The following UTP15 variants were observed in gnomAD, a reference collection of about 807,000 sequenced individuals.
UTP15 encodes U3 small nucleolar RNA-associated protein 15 homolog.
UTP15 carries 5 observed loss-of-function variants against 59.1 expected under a neutral mutation model. The observed-to-expected ratio is 0.08, with a 90% CI of 0.04 to 0.18. UTP15 has a LOEUF of 0.18. Ranked by LOEUF, UTP15 falls within the 10% of genes least tolerant of loss-of-function variation. The probability of loss-of-function intolerance (pLI) is 1.00; values close to 1 mark genes in which losing one functional copy is unlikely to be tolerated. For synonymous variants in UTP15, 211 were observed against 212.2 expected, an observed-to-expected ratio of 0.99 and a Z score of 0.05; for missense variants, 494 against 616.7, an observed-to-expected ratio of 0.80 and a Z score of 2.11.
Position 73,570,644 on chromosome 5 carries a change from C to T in UTP15, c.606C>T (p.Ser202=), listed in dbSNP as rs368165894. ...CACGAACGAGTGAGAGTGTTCTCTCCGTTGAGCATGGGCAGCCAGTGGAGA... is the reference window on the plus strand; with the variant it reads ...CACGAACGAGTGAGAGTGTTCTCTCTGTTGAGCATGGGCAGCCAGTGGAGA... The part of the protein sequence containing the change: ...FDARTSESVL[S]VEHGQPVESV... The change falls in exon 6 of 13, where the codon TCC becomes TCT. Residue 202 remains serine (S), a synonymous_variant. Transcript: ENST00000296792. The T allele has an allele frequency of 1.7e-5, 28 of 1,614,112 alleles. No individual in the cohort carries two copies. The highest frequency in any genetic ancestry group is 1.6e-4 in the Middle Eastern group (1 of 6,062).
chr5:73,572,601 G>A lies in UTP15; in HGVS notation c.786G>A (p.Arg262=), dbSNP rs141479041. ...TCLCLSSSGQ[R]LLSGSLDRKV... ...TATGTCTAAGCAGCTCTGGACAGAG[G>A]TTACTCTCTGGCTCACTGGATAGGT... The change falls in exon 7 of 13, where the codon AGG becomes AGA. Residue 262 remains arginine (R), a synonymous_variant. Coordinates refer to ENST00000296792, the MANE Select transcript of UTP15 (RefSeq NM_032175.4). The A allele has an allele frequency of 8.1e-4, 1,303 of 1,613,862 alleles. 2 individuals carry two copies. Among genetic ancestry groups the A allele is most frequent in the Non-Finnish European group, 9.7e-4 (1,139 of 1,179,964 alleles).
intron 4 of UTP15, among the ~76,000 whole-genome samples, 153 bp from the exon 5 acceptor site, chr5:73,569,343 TA>T (rs1440762189): frequency 6.6e-6 from 1 of 152,190 alleles, no homozygotes; most frequent in Non-Finnish European, 1.5e-5. Flanking sequence ...CAAACACTTG[TA>T]AGTTTTCTCT....
At chr5:73,576,079 G>A (rs906582554) in intron 7 of UTP15, among the ~76,000 whole-genome samples, 13 of 148,918 alleles carry the variant, frequency 8.7e-5, no homozygotes, top group Non-Finnish European at 1.9e-4. Flanking sequence ...CTCATGGTCT[G>A]TCCTTCTGTT....
At chr5:73,566,902 A>G (rs1439887416) in intron 1 of UTP15, among the ~76,000 whole-genome samples, 2 of 152,230 alleles carry the variant, frequency 1.3e-5, no homozygotes, top group South Asian at 2.1e-4. Context: ...ACTTGGTTTC[A>G]GGAAACTTGT....
chr5:73,578,301 A>G (rs1748161837), intron 9 of UTP15: 1 of 327,632 alleles, frequency 3.1e-6, no homozygotes, highest in African/African-American at 2.2e-5. Flanking sequence ...TAGTAGAACC[A>G]ATCATGTCCC....
At position 73,572,622 on chromosome 5, in the gene UTP15, T is replaced by C. The variant is rs16870610; in HGVS notation, c.807T>C (p.Asp269=). ...SGQRLLSGSL[D]RKVKVYSTTS... ...AGAGGTTACTCTCTGGCTCACTGGA[T>C]AGGTTGGCATTTTAATTTTTTTGTA... Residue 269 remains aspartate (D), a splice_region_variant and synonymous_variant, in exon 7 of 13, where the codon GAT becomes GAC. Coordinates refer to ENST00000296792, the MANE Select transcript of UTP15 (RefSeq NM_032175.4). 74,178 of 1,607,836 alleles carry C rather than the reference T, an allele frequency of 0.046. 2,139 individuals are homozygous for C. Among genetic ancestry groups the C allele is most frequent in the East Asian group, 0.13 (5,677 of 44,846 alleles).
At chr5:73,574,324 A>G (rs1748025808) in intron 7 of UTP15, among the ~76,000 whole-genome samples, 1 of 152,070 alleles carries the variant, frequency 6.6e-6, no homozygotes, top group South Asian at 2.1e-4. Context: ...TGTCTCTAAA[A>G]AAAAAAAGAT....
intron 10 of UTP15, 53 bp from the exon 11 acceptor site, chr5:73,578,964 G>T: frequency 6.3e-7 from 1 of 1,590,624 alleles, no homozygotes; most frequent in South Asian, 1.1e-5. Context: ...GCAAGACAGT[G>T]ATTTTTTTTG....
chr5:73,574,087 C>A (rs1748019471), intron 7 of UTP15, among the ~76,000 whole-genome samples: 1 of 151,974 alleles, frequency 6.6e-6, no homozygotes, highest in Admixed American at 6.5e-5. Context: ...CTTTGGGAGG[C>A]TGAGGTGGGA....
intron 6 of UTP15, 139 bp downstream of exon 6, chr5:73,570,850 T>C (rs1040388422): frequency 8.3e-7 from 1 of 1,198,162 alleles, no homozygotes; most frequent in African/African-American, 1.5e-5. Flanking sequence ...TAGGTAGGAC[T>C]GGCAAGCAGT....
chr5:73,578,438 T>A (rs1335337463), intron 9 of UTP15: 1 of 304,118 alleles, frequency 3.3e-6, no homozygotes, highest in African/African-American at 2.2e-5. Flanking sequence ...CTCTTTCTAC[T>A]GTACCACACT....
At chr5:73,579,293 C>G in intron 11 of UTP15, 24 bp from the exon 12 acceptor site, 1 of 1,602,780 alleles carries the variant, frequency 6.2e-7, no homozygotes, top group Non-Finnish European at 8.5e-7. Context: ...ACAAGTTTCA[C>G]TAAACTGAAT....
chr5:73,565,878 A>C lies in UTP15; in HGVS notation c.-118A>C. The C allele has an allele frequency of 2.2e-6, 1 of 456,260 alleles. No individual in the cohort carries two copies. The highest frequency in any genetic ancestry group is 1.5e-5 in the South Asian group (1 of 64,570). The allele number at this position is 456,260 out of a possible 1,614,324, so 28.3% of individuals were successfully genotyped here. A position where few individuals can be genotyped will look rare whatever the true frequency, so the allele number is the denominator to read the frequency against. On this transcript the variant is annotated 5_prime_UTR_variant, in exon 1 of 13. Coordinates refer to ENST00000296792, the MANE Select transcript of UTP15 (RefSeq NM_032175.4). Reference sequence around the variant, plus strand: ...AGTCCGATTAATTGTCCTTGGGTCGAGGTGTCTCGTCGGACCCTTTGGGGC... The same window carrying C: ...AGTCCGATTAATTGTCCTTGGGTCGCGGTGTCTCGTCGGACCCTTTGGGGC...
chr5:73,580,136 A>T lies in UTP15; in HGVS notation c.*42A>T. The T allele has an allele frequency of 1.9e-6, 3 of 1,551,648 alleles. No homozygotes were observed. The highest frequency in any genetic ancestry group is 2.6e-6 in the Non-Finnish European group (3 of 1,132,252). ...CATATAAGAACTCTGAAGTTGGAAT[A>T]GATTTGACTGTATTAAATGTTGGCG... On this transcript the variant is annotated 3_prime_UTR_variant, in exon 13 of 13. Coordinates refer to ENST00000296792, the MANE Select transcript of UTP15 (RefSeq NM_032175.4).
chr5:73,576,180 C>G (rs899426525), intron 7 of UTP15, among the ~76,000 whole-genome samples: 1 of 151,884 alleles, frequency 6.6e-6, no homozygotes, highest in Admixed American at 6.6e-5. Context: ...TTTCGGCTCA[C>G]TGCAACCTCT....
At chr5:73,568,111 AT>A in intron 2 of UTP15, 123 bp from the exon 3 acceptor site, 3 of 687,240 alleles carry the variant, frequency 4.4e-6, no homozygotes, top group Non-Finnish European at 6.8e-6. Context: ...TTGTAATTTT[AT>A]GTTAAATACA....
chr5:73,571,901 G>A (rs1747944246), intron 6 of UTP15, among the ~76,000 whole-genome samples: 1 of 152,208 alleles, frequency 6.6e-6, no homozygotes. Flanking sequence ...GATCTCCACT[G>A]TGTGTCACTA....
rs1389885801 is a variant in UTP15 at position 73,565,786 on chromosome 5, G to A, written c.-210G>A. On this transcript the variant is annotated 5_prime_UTR_variant, in exon 1 of 13. Transcript: ENST00000296792. Reference sequence around the variant, plus strand: ...GTTCGGTTCGCTGTGTGTGTCGCCGGCTCCTTGAGGGTCCATGTGATTTTT... The same window carrying A: ...GTTCGGTTCGCTGTGTGTGTCGCCGACTCCTTGAGGGTCCATGTGATTTTT... 1 of 456,286 alleles carries A rather than the reference G, an allele frequency of 2.2e-6. No homozygotes were observed. The highest frequency in any genetic ancestry group is 4.4e-6 in the Non-Finnish European group (1 of 226,958). The allele number at this position is 456,286 out of a possible 1,614,324, so 28.3% of individuals were successfully genotyped here.
rs1479306718 is a variant in UTP15, at chr5:73,579,164, C to T, written c.1280+14C>T. 6.2e-7 allele frequency: 1 copy of T among 1,612,726 alleles called. No individual in the cohort carries two copies. The highest frequency in any genetic ancestry group is 1.3e-5 in the African/African-American group (1 of 74,832). On this transcript the variant is annotated intron_variant, in intron 11 of 12. Coordinates refer to ENST00000296792, the MANE Select transcript of UTP15 (RefSeq NM_032175.4). ...TTTTTTGATAAGGTATGTTTTTTGT[C>T]TGTGAAACACTTACATTTTGCATCT...
Sources: gnomAD v4.1 joint callset for allele counts (sites outside exome capture counted in the v4.1 genomes callset) on GRCh38, gnomAD v4.1.1 for gene constraint, MANE v1.5 for transcripts, NCBI Gene and HGNC (gene_info 2026-07-23, HGNC 2026-07-21) for gene names.